Variants in WNT5A observed in about 807,000 individuals in gnomAD.
The protein encoded by WNT5A is protein Wnt-5a.
A neutral mutation model predicts 42.1 loss-of-function variants in WNT5A; 9 were observed. The ratio of observed to expected loss-of-function variants is 0.21; its 90% CI spans 0.13 to 0.37. The LOEUF is 0.37. WNT5A is among the 10% of genes least tolerant of loss of function. WNT5A has a pLI of 1.00. For synonymous variants in WNT5A, 210 were observed against 210.0 expected, an observed-to-expected ratio of 1.00 and a Z score of 0.00; for missense variants, 426 against 534.0, an observed-to-expected ratio of 0.80 and a Z score of 1.99.
chr3:55,485,613 T>A (rs2051562195), intron 1 of WNT5A, among the ~76,000 whole-genome samples: 1 of 151,906 alleles, frequency 6.6e-6, no homozygotes, highest in Non-Finnish European at 1.5e-5. Flanking sequence ...CCTGGCAGAG[T>A]CTGTCTAGAA....
upstream of WNT5A, chr3:55,487,641 G>C (rs908115935): frequency 1.3e-5 from 2 of 152,674 alleles, no homozygotes; most frequent in South Asian, 2.1e-4. Context: ...CCGCGAGTTA[G>C]TGTGGACGTC....
At chr3:55,472,110 C>G (rs2682454) in intron 4 of WNT5A, among the ~76,000 whole-genome samples, 4 of 151,760 alleles carry the variant, frequency 2.6e-5, no homozygotes, top group African/African-American at 7.3e-5. Flanking sequence ...CATCCCAGAG[C>G]AAAAAAAACT....
chr3:55,486,997 G>C lies in WNT5A; in HGVS notation c.-12C>G, dbSNP rs540579277. ...ACACCTACCTTCATGGCGAGGGGGA[G>C]GGGGCGCGGGGAGGAAGTCGCCACC... On this transcript the variant is annotated 5_prime_UTR_variant, in exon 1 of 5. Coordinates refer to ENST00000264634, the MANE Select transcript of WNT5A (RefSeq NM_003392.7). 6.2e-7 allele frequency: 1 copy of C among 1,611,262 alleles called. No homozygotes were observed. The highest frequency in any genetic ancestry group is 1.1e-5 in the South Asian group (1 of 90,940).
the WNT5A span, among the ~76,000 whole-genome samples, chr3:55,497,056 T>C: frequency 6.6e-6 from 1 of 152,216 alleles, no homozygotes; most frequent in Non-Finnish European, 1.5e-5. Context: ...ATTTGTCGAA[T>C]TAGTATTGTA....
chr3:55,485,091 C>T (rs2051551240), intron 1 of WNT5A, among the ~76,000 whole-genome samples: 1 of 150,610 alleles, frequency 6.6e-6, no homozygotes, highest in Non-Finnish European at 1.5e-5. Flanking sequence ...CAGCGGCCGG[C>T]GGCGCAGCGA....
chr3:55,482,884 A>T (rs1188224697), intron 1 of WNT5A, among the ~76,000 whole-genome samples: 1 of 152,184 alleles, frequency 6.6e-6, no homozygotes, highest in Non-Finnish European at 1.5e-5. Flanking sequence ...TGCCGCGTGC[A>T]CACACATCAT....
chr3:55,495,820 T>C, the WNT5A span, among the ~76,000 whole-genome samples: 1 of 152,302 alleles, frequency 6.6e-6, no homozygotes, highest in South Asian at 2.1e-4. Flanking sequence ...TGATAAATGT[T>C]ACACAATTTT....
the WNT5A span, among the ~76,000 whole-genome samples, chr3:55,502,494 C>T: frequency 6.6e-6 from 1 of 152,158 alleles, no homozygotes; most frequent in African/African-American, 2.4e-5. Flanking sequence ...ACATAATGTT[C>T]AGAAACCAGA....
upstream of WNT5A, among the ~76,000 whole-genome samples, chr3:55,495,090 TACAAA>T (rs1196530777): frequency 6.6e-6 from 1 of 152,366 alleles, no homozygotes; most frequent in East Asian, 1.9e-4. Context: ...ACATCTGGTG[TACAAA>T]ACAATGTTTT....
upstream of WNT5A, among the ~76,000 whole-genome samples, chr3:55,492,238 G>A (rs1183789503): frequency 5.3e-5 from 8 of 150,920 alleles, no homozygotes; most frequent in Non-Finnish European, 1.0e-4. Context: ...GTGGCGGGGG[G>A]GCACTAAATG....
chr3:55,481,372 C>G lies in WNT5A; in HGVS notation c.7-454G>C, dbSNP rs969827070. ...GTGGAGCCAGAATTAATTCCATGGG[C>G]GAGAGGAGCACGGAGGCGAGTGGAG... On this transcript the variant is annotated intron_variant, in intron 1 of 4. Transcript: ENST00000264634. The G allele has an allele frequency of 4.1e-6, 4 of 985,624 alleles. No individual in the cohort carries two copies. In the South Asian group the frequency reaches 1.9e-4, roughly 46 times the overall value. 61.1% of individuals were successfully genotyped at this position (985,624 alleles called of 1,614,324 possible).
At chr3:55,503,284 A>G in the WNT5A span, among the ~76,000 whole-genome samples, 1 of 152,180 alleles carries the variant, frequency 6.6e-6, no homozygotes, top group East Asian at 1.9e-4. Flanking sequence ...TTGTGATTTT[A>G]TTACTGGTAA....
In WNT5A at chr3:55,470,029, A is replaced by G; in HGVS notation, c.*63T>C. The G allele has an allele frequency of 6.3e-7, 1 of 1,597,136 alleles. No homozygotes were observed. The highest frequency in any genetic ancestry group is 8.6e-7 in the Non-Finnish European group (1 of 1,168,622). On this transcript the variant is annotated 3_prime_UTR_variant, in exon 5 of 5. Coordinates refer to ENST00000264634, the MANE Select transcript of WNT5A (RefSeq NM_003392.7). Reference sequence around the variant, plus strand: ...ATATTTCTAAAAACCAAAAACCAGAATCACTGTACTTTCTATAAATAAGCG... The same window carrying G: ...ATATTTCTAAAAACCAAAAACCAGAGTCACTGTACTTTCTATAAATAAGCG...
At chr3:55,496,569 C>T in the WNT5A span, among the ~76,000 whole-genome samples, 101 of 152,318 alleles carry the variant, frequency 6.6e-4, 1 homozygote, top group South Asian at 0.012. Context: ...GCTCCACTCA[C>T]GTGTCATTTG....
rs546706293 is a variant in WNT5A, at chr3:55,470,412, C to T, written c.823G>A (p.Ala275Thr). The T allele has an allele frequency of 4.3e-6, 7 of 1,613,258 alleles. No individual in the cohort carries two copies. The East Asian group carries it at 1.3e-4, about 31-fold the overall frequency. The stretch of plus-strand genomic sequence containing the variant: ...TTGCCCCGGCTGTTGAGCCGCATGG[C>T]CGCCGCGCTGTCGTACTTCTCCTTC... ...ALKEKYDSAA[A>T]MRLNSRGKLV... The change falls in exon 5 of 5, where the codon GCC becomes ACC. Residue 275 changes from alanine (A) to threonine (T), a missense_variant. Ala to Thr is a moderately conservative substitution (Grantham distance 58). Transcript: ENST00000264634.
At chr3:55,473,359 T>G (rs1209841032) in intron 4 of WNT5A, among the ~76,000 whole-genome samples, 1 of 152,146 alleles carries the variant, frequency 6.6e-6, no homozygotes, top group Non-Finnish European at 1.5e-5. Flanking sequence ...CTACCTTGGG[T>G]TCTGTGAAAA....
chr3:55,479,667 T>C, intron 2 of WNT5A, 103 bp from the exon 3 acceptor site: 3 of 1,403,160 alleles, frequency 2.1e-6, no homozygotes, highest in Non-Finnish European at 1.9e-6. Flanking sequence ...CAGATGCTTT[T>C]TTCTCTCCTG....
intron 1 of WNT5A, 143 bp downstream of exon 1, chr3:55,486,837 T>C: frequency 1.4e-6 from 1 of 729,974 alleles, no homozygotes; most frequent in Middle Eastern, 2.5e-4. Context: ...GGGTAGGGGT[T>C]CCTGCCAGCG....
At chr3:55,471,452 C>T (rs567162341) in intron 4 of WNT5A, among the ~76,000 whole-genome samples, 7 of 152,312 alleles carry the variant, frequency 4.6e-5, no homozygotes, top group African/African-American at 9.6e-5. Flanking sequence ...TGCACCTTTC[C>T]GGGCCTCTGT....
Sources: allele counts gnomAD v4.1 joint callset (sites outside exome capture counted in the v4.1 genomes callset), GRCh38; gene constraint gnomAD v4.1.1; transcripts MANE v1.5; gene names NCBI Gene and HGNC (gene_info 2026-07-23, HGNC 2026-07-21).